The following GAK variants were observed in gnomAD, a reference collection of about 807,000 sequenced individuals.
GAK encodes cyclin-G-associated kinase.
Under a neutral mutation model 143.9 loss-of-function variants are expected in GAK, and 79 were observed. The observed-to-expected ratio is 0.55, with a 90% CI of 0.46 to 0.66. The LOEUF (loss-of-function observed/expected upper bound fraction) is 0.66. GAK is among the 30% of genes least tolerant of loss of function. The probability of loss-of-function intolerance (pLI) is 0.00; values close to 1 mark genes in which losing one functional copy is unlikely to be tolerated. For missense variants in GAK, 1,693 were observed against 1,779.7 expected (o/e 0.95, Z 0.88); for synonymous variants, 881 against 765.5 (o/e 1.15, Z -2.49).
intron 5 of GAK, among the ~76,000 whole-genome samples, chr4:898,617 T>C (rs1475344490): frequency 1.4e-4 from 21 of 152,232 alleles, no homozygotes. Flanking sequence ...ATCCCAGCAC[T>C]TTGGGAGGCC....
chr4:883,901 C>T, intron 12 of GAK, 136 bp downstream of exon 12: 1 of 862,264 alleles, frequency 1.2e-6, no homozygotes, highest in Non-Finnish European at 1.8e-6. Context: ...CCAAGGGGCC[C>T]CAGGTCACCC....
In GAK at chr4:867,009, G is replaced by T; in HGVS notation, c.2819C>A (p.Pro940Gln). 6.7e-7 allele frequency: 1 copy of T among 1,500,016 alleles called. No individual in the cohort carries two copies. The highest frequency in any genetic ancestry group is 8.9e-7 in the Non-Finnish European group (1 of 1,125,148). The allele number at this position is 1,500,016 out of a possible 1,614,324, so 92.9% of individuals were successfully genotyped here. ...LSEDPLLLAS[P>Q]APPLSVQSTP... Reference sequence around the variant, plus strand: ...GCTCTGCACGCTCAGGGGAGGGGCCGGGCTTGCCAGGAGCAGCGGGTCCTC... The same window carrying T: ...GCTCTGCACGCTCAGGGGAGGGGCCTGGCTTGCCAGGAGCAGCGGGTCCTC... Residue 940 changes from proline (P) to glutamine (Q), a missense_variant, in exon 21 of 28, where the codon CCG becomes CAG. This residue lies in a region of GAK where 822 missense variants were observed against 788.7 expected (regional missense o/e 1.04). Transcript: ENST00000314167.
At chr4:931,191 G>A (rs1444023195) in intron 1 of GAK, among the ~76,000 whole-genome samples, 2 of 152,192 alleles carry the variant, frequency 1.3e-5, no homozygotes, top group Non-Finnish European at 2.9e-5. Flanking sequence ...GGACATCCAG[G>A]GAGCTAGAAA....
chr4:870,404 T>C (rs901223031), intron 19 of GAK, among the ~76,000 whole-genome samples: 7 of 152,206 alleles, frequency 4.6e-5, no homozygotes, highest in Admixed American at 2.6e-4. Context: ...GACAAAAATC[T>C]GACCCAGACA....
At chr4:929,320 C>T (rs1400832039) in intron 1 of GAK, among the ~76,000 whole-genome samples, 3 of 152,236 alleles carry the variant, frequency 2.0e-5, no homozygotes, top group Admixed American at 6.5e-5. Context: ...AGGCGGGTTA[C>T]GCTTAAACCA....
chr4:856,615 G>C (rs117330100), intron 24 of GAK, among the ~76,000 whole-genome samples: 6,428 of 109,562 alleles, frequency 0.059, 206 homozygotes, highest in East Asian at 0.11. Flanking sequence ...CTCACCACAG[G>C]TGCTCACACC....
intron 25 of GAK, chr4:851,450 G>A (rs1009722655): frequency 7.7e-6 from 4 of 520,696 alleles, no homozygotes; most frequent in South Asian, 2.3e-5. Flanking sequence ...TGCTGCCCCC[G>A]GGAACAGGGC....
At chr4:874,236 A>C (rs1713348222) in intron 18 of GAK, among the ~76,000 whole-genome samples, 1 of 152,088 alleles carries the variant, frequency 6.6e-6, no homozygotes, top group East Asian at 1.9e-4. Flanking sequence ...ATATGTTACT[A>C]CCAAACAGGT....
In GAK at chr4:851,984, T is replaced by C. The variant is rs10031922; in HGVS notation, c.3284-10A>G. 0.96 allele frequency: 1,545,623 copies of C among 1,611,146 alleles called. 741,808 individuals carry two copies. The highest frequency in any genetic ancestry group is 1 in the East Asian group (44,835 of 44,836). On this transcript the variant is annotated splice_polypyrimidine_tract_variant and intron_variant, in intron 24 of 27. Coordinates refer to ENST00000314167, the MANE Select transcript of GAK (RefSeq NM_005255.4). ...AATCCAGCTGGTGAGCCTGTGGAGA[T>C]GGAGATCGGAAACTCGGCATCTGGT...
At chr4:880,689 C>A (rs1385380173) in intron 15 of GAK, among the ~76,000 whole-genome samples, 3 of 152,158 alleles carry the variant, frequency 2.0e-5, no homozygotes, top group African/African-American at 7.2e-5. Context: ...ACACACACAC[C>A]TCCTCCCACA....
At chr4:924,891 T>C (rs1294615283) in intron 1 of GAK, among the ~76,000 whole-genome samples, 1 of 132,776 alleles carries the variant, frequency 7.5e-6, no homozygotes. Flanking sequence ...TGGGTTGTGG[T>C]GGTGGAGTTC....
In GAK at chr4:882,737, A is replaced by T; in HGVS notation, c.1487T>A (p.Leu496Gln). The T allele has an allele frequency of 6.2e-7, 1 of 1,612,784 alleles. No individual in the cohort carries two copies. Among genetic ancestry groups the T allele is most frequent in the Non-Finnish European group, 8.5e-7 (1 of 1,179,966 alleles). Residue 496 changes from leucine to glutamine, a missense_variant, in exon 14 of 28, where the codon CTG (leucine) becomes CAG (glutamine). Around this residue, in one of 2 missense-constraint regions of GAK, gnomAD observed 871 missense variants for 991.0 expected, o/e 0.88. Transcript: ENST00000314167. The part of the protein sequence containing the change: ...YNICRNMHAW[L>Q]RQDHKNVCVV... ...GCAGACGTTCTTGTGGTCCTGCCGC[A>T]GCCAGGCGTGCATGTTCCTGCAGAT...
intron 5 of GAK, among the ~76,000 whole-genome samples, chr4:900,161 G>A (rs1314673508): frequency 6.6e-6 from 1 of 152,234 alleles, no homozygotes; most frequent in African/African-American, 2.4e-5. Context: ...CAACAGAGAC[G>A]AAGCTGTGCG....
At chr4:923,264 A>T (rs190575004) in intron 1 of GAK, among the ~76,000 whole-genome samples, 423 of 152,348 alleles carry the variant, frequency 2.8e-3, no homozygotes, top group Non-Finnish European at 4.6e-3. Flanking sequence ...AACTCAAAAT[A>T]ATACAGTTTA....
chr4:849,378 C>T lies in GAK; in HGVS notation c.*295G>A, dbSNP rs559040020. 2.5e-4 allele frequency: 115 copies of T among 467,700 alleles called. No homozygotes were observed. The highest frequency in any genetic ancestry group is 3.9e-4 in the Non-Finnish European group (98 of 254,192). The allele number at this position is 467,700 out of a possible 1,614,324, so 29.0% of individuals were successfully genotyped here. On this transcript the variant is annotated 3_prime_UTR_variant, in exon 28 of 28. Transcript: ENST00000314167. ...TGAGCGCCAGCAGCGTGGCCCACCACGTGCCGGGGCTCCAGAGGCCACGCC... is the reference window on the plus strand; with the variant it reads ...TGAGCGCCAGCAGCGTGGCCCACCATGTGCCGGGGCTCCAGAGGCCACGCC...
At chr4:900,296 T>C (rs969030395) in intron 5 of GAK, among the ~76,000 whole-genome samples, 1 of 152,184 alleles carries the variant, frequency 6.6e-6, no homozygotes, top group African/African-American at 2.4e-5. Context: ...TGGGGCCACG[T>C]GTGCTGCCTG....
intron 23 of GAK, among the ~76,000 whole-genome samples, chr4:864,614 C>G (rs1750825917): frequency 6.6e-6 from 1 of 152,166 alleles, no homozygotes. Context: ...TGTACGTGAC[C>G]CCCTTCCTGA....
intron 5 of GAK, among the ~76,000 whole-genome samples, chr4:903,566 T>TATA (rs1352865804): frequency 3.3e-5 from 5 of 150,808 alleles, no homozygotes; most frequent in Admixed American, 6.6e-5. Context: ...GTTGGGGGCC[T>TATA]GGGCCAACAC....
intron 1 of GAK, among the ~76,000 whole-genome samples, chr4:924,076 T>C (rs1724307740): frequency 6.7e-6 from 1 of 149,692 alleles, no homozygotes; most frequent in Non-Finnish European, 1.5e-5. Context: ...TCCCAGCTAG[T>C]TGGGAGGCTG....
Sources: gnomAD v4.1 joint callset for allele counts (sites outside exome capture counted in the v4.1 genomes callset) on GRCh38, gnomAD v4.1.1 for gene constraint, gnomAD v4.1.1 regional missense constraint, MANE v1.5 for transcripts, NCBI Gene and HGNC (gene_info 2026-07-23, HGNC 2026-07-21) for gene names.